BABAM2: variants seen among roughly 807,000 people sequenced by gnomAD.
BABAM2 encodes the protein BRISC and BRCA1-A complex member 2.
BABAM2 carries 31 observed loss-of-function variants against 54.7 expected under a neutral mutation model. The ratio of observed to expected loss-of-function variants is 0.57; its 90% CI spans 0.43 to 0.77. The LOEUF is 0.77. Ranked by LOEUF, BABAM2 falls within the 30% of genes least tolerant of loss-of-function variation. The pLI, the probability that BABAM2 is intolerant of heterozygous loss-of-function variation, is 0.00. For synonymous variants in BABAM2, 167 were observed against 162.9 expected (o/e 1.03, Z -0.19); for missense variants, 364 against 455.8 (o/e 0.80, Z 1.83).
At chr2:27,919,628 C>T (rs1429383603) in intron 2 of BABAM2, among the ~76,000 whole-genome samples, 1 of 152,080 alleles carries the variant, frequency 6.6e-6, no homozygotes, top group Non-Finnish European at 1.5e-5. Flanking sequence ...ATTCTCTTAG[C>T]AGAGTTAATT....
intron 9 of BABAM2, among the ~76,000 whole-genome samples, chr2:28,244,025 AGCTCTTGAGGG>A (rs1682693118): frequency 6.6e-6 from 1 of 152,194 alleles, no homozygotes; most frequent in African/African-American, 2.4e-5. Flanking sequence ...CCAGGCGCTC[AGCTCTTGAGGG>A]AAATGGATGA....
intron 3 of BABAM2, among the ~76,000 whole-genome samples, chr2:27,934,484 G>A (rs1668348098): frequency 6.6e-6 from 1 of 152,092 alleles, no homozygotes; most frequent in Admixed American, 6.5e-5. Context: ...TTGAAATTAG[G>A]CCAGTTAGTA....
At position 27,933,451 on chromosome 2, in the gene BABAM2, G is replaced by GT. The variant is rs199892080; in HGVS notation, c.205+3553dup. On this transcript the variant is annotated intron_variant, in intron 3 of 11. Coordinates refer to ENST00000379624, the MANE Select transcript of BABAM2 (RefSeq NM_199191.3). ...AAAGTTCATAGAATTAGAAAGATGAGTTTTTTTTTTAAAAAACACATATAT... is the reference window on the plus strand; with the variant it reads ...AAAGTTCATAGAATTAGAAAGATGAGTTTTTTTTTTTAAAAAACACATATAT... Among the ~76,000 whole-genome samples the GT allele has an allele frequency of 6.4e-4, 95 of 148,734 alleles. 1 individual carries two copies. The highest frequency in any genetic ancestry group is 2.4e-3 in the East Asian group (12 of 5,106).
intron 5 of BABAM2, among the ~76,000 whole-genome samples, chr2:28,026,971 A>ATATATATAAATATATATAAATAT (rs1558668237): frequency 2.3e-5 from 2 of 86,862 alleles, no homozygotes; most frequent in Non-Finnish European, 3.8e-5. Flanking sequence ...TATATATATA[A>ATATATATAAATATATATAAATAT]ATATATAAAT....
intron 3 of BABAM2, among the ~76,000 whole-genome samples, chr2:27,950,472 T>C (rs1669627887): frequency 6.6e-6 from 1 of 152,206 alleles, no homozygotes; most frequent in South Asian, 2.1e-4. Context: ...ATTTTGAATA[T>C]TCAGTCTACC....
intron 7 of BABAM2, among the ~76,000 whole-genome samples, chr2:28,171,112 A>T (rs190112383): frequency 6.7e-6 from 1 of 148,790 alleles, no homozygotes; most frequent in Non-Finnish European, 1.5e-5. Context: ...TGCTTTTTAA[A>T]ATATATATAT....
intron 7 of BABAM2, among the ~76,000 whole-genome samples, chr2:28,191,510 T>A (rs1160686643): frequency 6.6e-6 from 1 of 152,126 alleles, no homozygotes; most frequent in Non-Finnish European, 1.5e-5. Flanking sequence ...CAACAGGGAA[T>A]GGATAAACAA....
intron 6 of BABAM2, among the ~76,000 whole-genome samples, chr2:28,116,962 G>A (rs1294966026): frequency 6.6e-6 from 1 of 152,220 alleles, no homozygotes; most frequent in African/African-American, 2.4e-5. Flanking sequence ...AACATTTCAT[G>A]TATTCAAATG....
At chr2:28,200,925 C>T (rs1678197606) in intron 7 of BABAM2, among the ~76,000 whole-genome samples, 2 of 152,162 alleles carry the variant, frequency 1.3e-5, no homozygotes, top group Admixed American at 6.5e-5. Context: ...CGCACCACCA[C>T]ACCTGGCTAA....
At chr2:28,094,322 A>G (rs1666414514) in intron 6 of BABAM2, among the ~76,000 whole-genome samples, 2 of 152,142 alleles carry the variant, frequency 1.3e-5, no homozygotes, top group African/African-American at 4.8e-5. Flanking sequence ...TAGGTACTCA[A>G]TACATCTTTA....
intron 7 of BABAM2, among the ~76,000 whole-genome samples, chr2:28,198,086 G>A (rs966618606): frequency 3.3e-5 from 5 of 151,988 alleles, no homozygotes; most frequent in African/African-American, 1.2e-4. Flanking sequence ...AGAATGCAAG[G>A]AAATATGCTT....
At chr2:28,276,985 G>A (rs1189045198) in intron 10 of BABAM2, among the ~76,000 whole-genome samples, 6 of 152,280 alleles carry the variant, frequency 3.9e-5, no homozygotes, top group South Asian at 2.1e-4. Flanking sequence ...GTTCTGAGGC[G>A]CAGGGCTCTG....
chr2:27,941,615 A>G (rs1009079731), intron 3 of BABAM2, among the ~76,000 whole-genome samples: 1 of 152,138 alleles, frequency 6.6e-6, no homozygotes, highest in African/African-American at 2.4e-5. Flanking sequence ...GGATATTTCA[A>G]AGCTGTTTGT....
chr2:27,975,439 A>C (rs931340679), intron 3 of BABAM2, among the ~76,000 whole-genome samples: 7 of 152,122 alleles, frequency 4.6e-5, no homozygotes, highest in African/African-American at 1.7e-4. Context: ...AAATATGGTC[A>C]ATGATTTTCC....
intron 4 of BABAM2, among the ~76,000 whole-genome samples, chr2:28,020,952 G>GACACACACACACACACACAC (rs57086132): frequency 4.2e-5 from 6 of 144,414 alleles, no homozygotes; most frequent in African/African-American, 1.6e-4. Context: ...CTGTCTCTCT[G>GACACACACACACACACACAC]ACACACACAC....
intron 6 of BABAM2, among the ~76,000 whole-genome samples, chr2:28,081,332 C>G (rs995511681): frequency 1.3e-5 from 2 of 152,206 alleles, no homozygotes; most frequent in South Asian, 4.1e-4. Flanking sequence ...CTTATCCAAG[C>G]CTGTGGTGCA....
Position 28,237,187 on chromosome 2 carries a change from C to T in BABAM2, c.681-15C>T. 6.2e-7 allele frequency: 1 copy of T among 1,604,626 alleles called. No individual in the cohort carries two copies. Among genetic ancestry groups the T allele is most frequent in the Non-Finnish European group, 8.5e-7 (1 of 1,171,520 alleles). ...AGCCCTAAGAGAAGTGTCCATTGTA[C>T]TCTTGTCCTTTCAGTGCACTTGGAG... On this transcript the variant is annotated splice_polypyrimidine_tract_variant and intron_variant, in intron 7 of 11. Transcript: ENST00000379624.
intron 4 of BABAM2, among the ~76,000 whole-genome samples, chr2:28,006,795 G>A (rs1422531254): frequency 1.3e-5 from 2 of 151,890 alleles, no homozygotes; most frequent in East Asian, 3.9e-4. Context: ...ATGGTGATCT[G>A]TTTAATCTGT....
At chr2:28,314,090 C>T (rs577330800) in intron 11 of BABAM2, among the ~76,000 whole-genome samples, 2 of 152,264 alleles carry the variant, frequency 1.3e-5, no homozygotes, top group African/African-American at 4.8e-5. Context: ...GGCAAGATCA[C>T]GTATTTTCTC....
Sources: allele counts gnomAD v4.1 joint callset (sites outside exome capture counted in the v4.1 genomes callset), GRCh38; gene constraint gnomAD v4.1.1; transcripts MANE v1.5; gene names NCBI Gene and HGNC (gene_info 2026-07-23, HGNC 2026-07-21).